Variants in SLIT3 observed in about 807,000 individuals in gnomAD.
SLIT3 encodes slit homolog 3 protein.
A neutral mutation model predicts 184.0 loss-of-function variants in SLIT3; 68 were observed. That is an observed-to-expected ratio of 0.37 (90% confidence interval 0.30 to 0.45). SLIT3 has a LOEUF of 0.45. SLIT3 is among the 20% of genes least tolerant of loss of function. The pLI is 1.00. For missense variants in SLIT3, 1,707 were observed against 2,026.0 expected, an observed-to-expected ratio of 0.84 and a Z score of 3.02; for synonymous variants, 831 against 828.6, an observed-to-expected ratio of 1.00 and a Z score of -0.05.
intron 4 of SLIT3, among the ~76,000 whole-genome samples, chr5:169,163,669 G>A (rs114978334): frequency 0.014 from 2,083 of 152,264 alleles, 47 homozygotes; most frequent in African/African-American, 0.048. Context: ...TCACCAAAGC[G>A]ATTAGACAGA....
At chr5:168,727,263 T>C (rs1310844788) in intron 20 of SLIT3, among the ~76,000 whole-genome samples, 1 of 152,000 alleles carries the variant, frequency 6.6e-6, no homozygotes, top group Non-Finnish European at 1.5e-5. Flanking sequence ...AAGGTTGCAG[T>C]GAGCTGAGAT....
chr5:169,130,225 T>A (rs1761247347), intron 4 of SLIT3, among the ~76,000 whole-genome samples: 1 of 152,150 alleles, frequency 6.6e-6, no homozygotes, highest in African/African-American at 2.4e-5. Flanking sequence ...GGTTTAGGAG[T>A]ACTCTCTGTA....
In SLIT3 at chr5:168,723,162, G is replaced by A. The variant is rs74888062; in HGVS notation, c.2340-158C>T. On this transcript the variant is annotated intron_variant, in intron 21 of 35. Coordinates refer to ENST00000519560, the MANE Select transcript of SLIT3 (RefSeq NM_003062.4). ...ATTCACTCACTCATCTATCCATCCC[G>A]CTGCTGGCCTGTTTATCTACTCTCC... Among the ~76,000 whole-genome samples, 38 of 150,410 alleles carry A rather than the reference G, an allele frequency of 2.5e-4. No individual in the cohort carries two copies. In the East Asian group the frequency reaches 6.5e-3, roughly 26 times the overall value.
At chr5:168,866,503 C>T (rs558504289) in intron 5 of SLIT3, among the ~76,000 whole-genome samples, 63 of 152,344 alleles carry the variant, frequency 4.1e-4, no homozygotes, top group African/African-American at 1.5e-3. Flanking sequence ...TATCTCATCT[C>T]CACTCCTGGC....
intron 4 of SLIT3, among the ~76,000 whole-genome samples, chr5:169,148,043 T>C (rs1215256378): frequency 1.3e-5 from 2 of 152,030 alleles, no homozygotes; most frequent in East Asian, 3.9e-4. Context: ...GAAGATGAGG[T>C]GTGGGTTAGC....
chr5:169,071,612 C>A (rs1415891395), intron 4 of SLIT3, among the ~76,000 whole-genome samples: 4 of 152,168 alleles, frequency 2.6e-5, no homozygotes, highest in African/African-American at 9.6e-5. Flanking sequence ...TTCCTCCCAG[C>A]AATGCCAGCC....
chr5:168,772,209 T>G (rs886646367), intron 14 of SLIT3: 1 of 152,334 alleles, frequency 6.6e-6, no homozygotes, highest in Non-Finnish European at 1.5e-5. Context: ...GACTCTTTAC[T>G]GTTCTCTCCG....
chr5:169,229,712 G>A (rs1171648857), intron 3 of SLIT3, among the ~76,000 whole-genome samples: 1 of 151,898 alleles, frequency 6.6e-6, no homozygotes, highest in Non-Finnish European at 1.5e-5. Flanking sequence ...TGAGGGAGAG[G>A]AGCAGTGCTG....
chr5:169,063,238 C>A (rs1257961822), intron 4 of SLIT3, among the ~76,000 whole-genome samples: 6 of 152,194 alleles, frequency 3.9e-5, no homozygotes, highest in African/African-American at 1.4e-4. Context: ...TGATTCAGGG[C>A]AGACTTTCAG....
intron 5 of SLIT3, among the ~76,000 whole-genome samples, chr5:168,879,634 A>C (rs543964576): frequency 6.8e-4 from 104 of 152,334 alleles, no homozygotes; most frequent in African/African-American, 2.3e-3. Flanking sequence ...AAACCAAGGA[A>C]GCTGAGGACC....
chr5:169,239,716 A>C (rs1765328854), intron 3 of SLIT3, among the ~76,000 whole-genome samples: 1 of 151,976 alleles, frequency 6.6e-6, no homozygotes, highest in Non-Finnish European at 1.5e-5. Flanking sequence ...TTCAAGAATT[A>C]GTTTGGCTTT....
intron 4 of SLIT3, among the ~76,000 whole-genome samples, chr5:169,028,953 C>G (rs765255146): frequency 6.6e-6 from 1 of 152,116 alleles, no homozygotes; most frequent in African/African-American, 2.4e-5. Flanking sequence ...GGCTTCAAGG[C>G]AAAGGGAGTG....
At chr5:169,151,555 G>C (rs1241614968) in intron 4 of SLIT3, among the ~76,000 whole-genome samples, 2 of 152,222 alleles carry the variant, frequency 1.3e-5, no homozygotes, top group African/African-American at 4.8e-5. Flanking sequence ...GAAAGAATTT[G>C]AGTACTTTGT....
chr5:169,040,387 A>G (rs1235894548), intron 4 of SLIT3, among the ~76,000 whole-genome samples: 1 of 152,246 alleles, frequency 6.6e-6, no homozygotes, highest in African/African-American at 2.4e-5. Flanking sequence ...AATTGTGTAT[A>G]AACAGCTCAA....
chr5:169,196,275 G>A lies in SLIT3; in HGVS notation c.342-2725C>T, dbSNP rs563078973. On this transcript the variant is annotated intron_variant, in intron 3 of 35. Coordinates refer to ENST00000519560, the MANE Select transcript of SLIT3 (RefSeq NM_003062.4). Reference sequence around the variant, plus strand: ...ACAGGTGGAAGCCGTTGGAACTGGAGAAGGCTTGATGTGATGTATGTGGGA... The same window carrying A: ...ACAGGTGGAAGCCGTTGGAACTGGAAAAGGCTTGATGTGATGTATGTGGGA... 3.5e-4 allele frequency among the ~76,000 whole-genome samples: 54 copies of A among 152,292 alleles called. 1 individual carries two copies. Among genetic ancestry groups the A allele is most frequent in the Middle Eastern group, 6.8e-3 (2 of 294 alleles).
In SLIT3 at chr5:169,252,030, G is replaced by C. The variant is rs77769450; in HGVS notation, c.198-571C>G. ...CCAGATACCTCTGTATTTTGAGAGT[G>C]TATGACCCATTCTATCCCATCTCTC... On this transcript the variant is annotated intron_variant, in intron 1 of 35. Transcript: ENST00000519560. Among the ~76,000 whole-genome samples the C allele has an allele frequency of 1.1e-3, 173 of 152,302 alleles. 3 individuals are homozygous for C. The East Asian group carries it at 0.028, about 25-fold the overall frequency.
chr5:168,992,795 C>T (rs180975210), intron 4 of SLIT3, among the ~76,000 whole-genome samples: 1 of 152,314 alleles, frequency 6.6e-6, no homozygotes, highest in Admixed American at 6.5e-5. Flanking sequence ...ATTTTCCAGT[C>T]GCTGCCTCCA....
chr5:168,744,976 T>A (rs902207379), intron 20 of SLIT3, among the ~76,000 whole-genome samples: 1 of 152,216 alleles, frequency 6.6e-6, no homozygotes, highest in Non-Finnish European at 1.5e-5. Context: ...ATTCCTCTGA[T>A]GGATTTGGGC....
At chr5:169,136,328 C>A (rs1004539384) in intron 4 of SLIT3, among the ~76,000 whole-genome samples, 1 of 152,140 alleles carries the variant, frequency 6.6e-6, no homozygotes, top group African/African-American at 2.4e-5. Flanking sequence ...TGCCTGCTAC[C>A]CTGCCCATTA....
Sources: allele counts gnomAD v4.1 joint callset (sites outside exome capture counted in the v4.1 genomes callset), GRCh38; gene constraint gnomAD v4.1.1; transcripts MANE v1.5; gene names NCBI Gene and HGNC (gene_info 2026-07-23, HGNC 2026-07-21).